Variants in GPC5 observed in about 807,000 individuals in gnomAD.
GPC5 encodes glypican-5.
A neutral mutation model predicts 53.9 loss-of-function variants in GPC5; 47 were observed. The ratio of observed to expected loss-of-function variants is 0.87; its 90% CI spans 0.69 to 1.11. The LOEUF is 1.11. Ranked by LOEUF, GPC5 falls within the 50% of genes most tolerant of loss-of-function variation. GPC5 has a pLI of 0.00. For missense variants in GPC5, 748 were observed against 713.1 expected, an observed-to-expected ratio of 1.05 and a Z score of -0.56; for synonymous variants, 286 against 263.3, an observed-to-expected ratio of 1.09 and a Z score of -0.84.
At chr13:91,525,504 C>G (rs1242244001) in intron 2 of GPC5, among the ~76,000 whole-genome samples, 1 of 152,122 alleles carries the variant, frequency 6.6e-6, no homozygotes, top group East Asian at 1.9e-4. Flanking sequence ...TTTCTTGAAA[C>G]TGTGGTTATT....
intron 7 of GPC5, among the ~76,000 whole-genome samples, chr13:92,720,716 G>GA (rs888763857): frequency 1.3e-5 from 2 of 152,010 alleles, no homozygotes; most frequent in East Asian, 1.9e-4. Flanking sequence ...CATGGTCATA[G>GA]AAAAAAAGAC....
chr13:91,501,098 T>C (rs148369917), intron 2 of GPC5, among the ~76,000 whole-genome samples: 1 of 152,296 alleles, frequency 6.6e-6, no homozygotes, highest in East Asian at 1.9e-4. Context: ...ATTGGCAGTG[T>C]GAAAACAGGC....
chr13:92,362,353 T>A (rs1411394999), intron 7 of GPC5, among the ~76,000 whole-genome samples: 1 of 151,798 alleles, frequency 6.6e-6, no homozygotes, highest in African/African-American at 2.4e-5. Context: ...GACAAATTTA[T>A]GGAAACATTA....
Position 92,555,124 on chromosome 13 carries a change from CAT to C in GPC5, c.1562-311157_1562-311156del, listed in dbSNP as rs1460153542. 4.0e-5 allele frequency among the ~76,000 whole-genome samples: 6 copies of C among 151,276 alleles called. No individual in the cohort carries two copies. The South Asian group carries it at 6.2e-4, about 16-fold the overall frequency. On this transcript the variant is annotated intron_variant, in intron 7 of 7. Transcript: ENST00000377067. ...AAAAATCATGAAATTGTGCACTAAACATGTGAAAATCATGGAATGTAAATTGT... is the reference window on the plus strand; with the variant it reads ...AAAAATCATGAAATTGTGCACTAAACGTGAAAATCATGGAATGTAAATTGT...
intron 7 of GPC5, among the ~76,000 whole-genome samples, chr13:92,272,807 A>G (rs111355985): frequency 9.5e-4 from 144 of 152,338 alleles, no homozygotes; most frequent in African/African-American, 3.3e-3. Context: ...AGACTTGGAG[A>G]AATATAAACT....
At chr13:91,768,934 A>G (rs1403348209) in intron 5 of GPC5, among the ~76,000 whole-genome samples, 1 of 152,220 alleles carries the variant, frequency 6.6e-6, no homozygotes, top group Non-Finnish European at 1.5e-5. Context: ...TCACACCTGC[A>G]GTCAGAGGGC....
intron 1 of GPC5, among the ~76,000 whole-genome samples, chr13:91,435,865 G>A (rs373884400): frequency 6.6e-6 from 1 of 152,144 alleles, no homozygotes; most frequent in Non-Finnish European, 1.5e-5. Flanking sequence ...GAATTTCAGA[G>A]CCTGTTATTG....
intron 6 of GPC5, among the ~76,000 whole-genome samples, chr13:92,031,752 T>TATATTATATATTATATATTATATATAA (rs1566403212): frequency 6.9e-5 from 3 of 43,758 alleles, no homozygotes; most frequent in East Asian, 4.6e-4. Context: ...ATAATATATA[T>TATATTATATATTATATATTATATATAA]TATATTACAT....
chr13:91,865,415 G>A (rs1373474985), intron 5 of GPC5, among the ~76,000 whole-genome samples: 1 of 152,072 alleles, frequency 6.6e-6, no homozygotes, highest in Non-Finnish European at 1.5e-5. Flanking sequence ...GTGAGGATCA[G>A]TTGTCAAAGA....
At chr13:91,619,779 C>T (rs2033802317) in intron 2 of GPC5, among the ~76,000 whole-genome samples, 1 of 152,096 alleles carries the variant, frequency 6.6e-6, no homozygotes. Flanking sequence ...CTAAGTGGAT[C>T]TCTGCACATT....
At chr13:92,485,558 C>G (rs1879521180) in intron 7 of GPC5, among the ~76,000 whole-genome samples, 2 of 152,128 alleles carry the variant, frequency 1.3e-5, no homozygotes, top group Admixed American at 1.3e-4. Context: ...CAAAATTAGG[C>G]AAATAGTAAT....
intron 7 of GPC5, among the ~76,000 whole-genome samples, chr13:92,477,530 C>T (rs370456992): frequency 5.9e-5 from 9 of 152,116 alleles, no homozygotes; most frequent in Non-Finnish European, 1.0e-4. Context: ...AGGCAATTGA[C>T]GCTTAATTGT....
At chr13:92,265,645 G>T (rs543981789) in intron 7 of GPC5, among the ~76,000 whole-genome samples, 18 of 152,214 alleles carry the variant, frequency 1.2e-4, no homozygotes, top group African/African-American at 4.3e-4. Context: ...CCTCATTCAT[G>T]GAAATAGAGG....
At chr13:92,827,459 G>C (rs1373289505) in intron 7 of GPC5, among the ~76,000 whole-genome samples, 1 of 152,138 alleles carries the variant, frequency 6.6e-6, no homozygotes, top group Non-Finnish European at 1.5e-5. Context: ...CTTCCAACCT[G>C]AGAGATGTTG....
chr13:91,944,179 T>C (rs1293050929), intron 6 of GPC5, among the ~76,000 whole-genome samples: 1 of 152,004 alleles, frequency 6.6e-6, no homozygotes, highest in Non-Finnish European at 1.5e-5. Context: ...CACTGCAAGC[T>C]CCGCCTCCTG....
intron 7 of GPC5, among the ~76,000 whole-genome samples, chr13:92,183,565 A>T (rs1437798035): frequency 6.6e-6 from 1 of 152,160 alleles, no homozygotes; most frequent in Non-Finnish European, 1.5e-5. Context: ...ATAGTTAGCA[A>T]TTTTGAGTCA....
At chr13:91,820,887 C>A (rs890241745) in intron 5 of GPC5, among the ~76,000 whole-genome samples, 12 of 151,652 alleles carry the variant, frequency 7.9e-5, no homozygotes, top group African/African-American at 2.4e-4. Flanking sequence ...GGCATGAACC[C>A]GGGAAGCGGA....
intron 7 of GPC5, among the ~76,000 whole-genome samples, chr13:92,744,377 G>A (rs1873216876): frequency 6.6e-6 from 1 of 152,016 alleles, no homozygotes; most frequent in East Asian, 1.9e-4. Flanking sequence ...GTAATCACTG[G>A]ACTGGTATAA....
chr13:91,431,436 G>T (rs916802207), intron 1 of GPC5, among the ~76,000 whole-genome samples: 2 of 152,100 alleles, frequency 1.3e-5, no homozygotes, highest in African/African-American at 4.8e-5. Flanking sequence ...TATTCATTGG[G>T]TCTCAGAAAA....
Sources: gnomAD v4.1 joint callset for allele counts (sites outside exome capture counted in the v4.1 genomes callset) on GRCh38, gnomAD v4.1.1 for gene constraint, MANE v1.5 for transcripts, NCBI Gene and HGNC (gene_info 2026-07-23, HGNC 2026-07-21) for gene names.